The following WWOX variants were observed in gnomAD, a reference collection of about 807,000 sequenced individuals.
WWOX encodes the protein WW domain containing oxidoreductase.
A neutral mutation model predicts 46.2 loss-of-function variants in WWOX; 69 were observed. The observed-to-expected ratio is 1.49, with a 90% CI of 1.23 to 1.82. The LOEUF (loss-of-function observed/expected upper bound fraction) is 1.82. Among genes scored for constraint, WWOX ranks in the 40% most tolerant of loss-of-function variants. The probability of loss-of-function intolerance (pLI) is 0.00; values close to 1 mark genes in which losing one functional copy is unlikely to be tolerated. For missense variants in WWOX, 919 were observed against 542.6 expected, an observed-to-expected ratio of 1.69 and a Z score of -6.89; for synonymous variants, 359 against 202.6, an observed-to-expected ratio of 1.77 and a Z score of -6.56.
At chr16:78,610,838 T>A (rs925247406) in intron 8 of WWOX, among the ~76,000 whole-genome samples, 1 of 152,168 alleles carries the variant, frequency 6.6e-6, no homozygotes, top group Non-Finnish European at 1.5e-5. Flanking sequence ...ATTAATAGTT[T>A]GTATTTACAA....
chr16:78,579,622 T>G (rs1207773113), intron 8 of WWOX, among the ~76,000 whole-genome samples: 1 of 152,084 alleles, frequency 6.6e-6, no homozygotes, highest in Non-Finnish European at 1.5e-5. Flanking sequence ...ACTTCAAGGT[T>G]TTGGAGTGGG....
chr16:78,338,142 A>G (rs1444047127), intron 5 of WWOX, among the ~76,000 whole-genome samples: 2 of 120,554 alleles, frequency 1.7e-5, no homozygotes, highest in East Asian at 3.9e-4. Flanking sequence ...TGTACCCAGT[A>G]CTATTAATAT....
intron 8 of WWOX, among the ~76,000 whole-genome samples, chr16:79,150,737 A>G (rs1305648121): frequency 6.6e-6 from 1 of 152,138 alleles, no homozygotes; most frequent in Admixed American, 6.5e-5. Flanking sequence ...GAACTCCTGG[A>G]CTCAAGTGAC....
At chr16:78,809,896 C>T (rs141396797) in intron 8 of WWOX, among the ~76,000 whole-genome samples, 287 of 152,272 alleles carry the variant, frequency 1.9e-3, no homozygotes, top group African/African-American at 6.7e-3. Flanking sequence ...TCCCTCCTCC[C>T]GTGGGTTAGC....
At chr16:78,522,438 C>G (rs896869273) in intron 8 of WWOX, among the ~76,000 whole-genome samples, 5 of 152,182 alleles carry the variant, frequency 3.3e-5, no homozygotes, top group Non-Finnish European at 5.9e-5. Flanking sequence ...ACAGTAGTCA[C>G]TCATCCTGCT....
chr16:78,818,395 C>T (rs892613260), intron 8 of WWOX, among the ~76,000 whole-genome samples: 3 of 152,222 alleles, frequency 2.0e-5, no homozygotes, highest in African/African-American at 7.2e-5. Flanking sequence ...CCTTCATTGA[C>T]TCAGGCCTTG....
chr16:78,497,539 A>AGAG (rs2084946755), intron 8 of WWOX, among the ~76,000 whole-genome samples: 1 of 151,858 alleles, frequency 6.6e-6, no homozygotes, highest in Non-Finnish European at 1.5e-5. Flanking sequence ...ATCCTACAGA[A>AGAG]AGAGAATATT....
intron 8 of WWOX, among the ~76,000 whole-genome samples, chr16:78,522,259 G>A (rs1404629455): frequency 1.3e-5 from 2 of 151,914 alleles, no homozygotes; most frequent in Non-Finnish European, 2.9e-5. Flanking sequence ...GAAAAATAAG[G>A]GTTAGGATTA....
intron 8 of WWOX, among the ~76,000 whole-genome samples, chr16:78,609,198 T>G (rs1163188230): frequency 6.6e-6 from 1 of 152,232 alleles, no homozygotes; most frequent in Non-Finnish European, 1.5e-5. Context: ...AACTAGGAAG[T>G]GTTGATAGAT....
intron 8 of WWOX, among the ~76,000 whole-genome samples, chr16:78,675,641 A>G (rs2047578438): frequency 6.6e-6 from 1 of 152,160 alleles, no homozygotes; most frequent in Admixed American, 6.5e-5. Flanking sequence ...GCACTAGCCC[A>G]TCTGTATGTC....
At chr16:78,376,478 C>G (rs1279372041) in intron 5 of WWOX, among the ~76,000 whole-genome samples, 1 of 152,140 alleles carries the variant, frequency 6.6e-6, no homozygotes, top group Admixed American at 6.5e-5. Flanking sequence ...TTATCAACTT[C>G]TGTATTATTT....
intron 8 of WWOX, among the ~76,000 whole-genome samples, chr16:78,695,155 T>G (rs541364229): frequency 1.1e-4 from 17 of 152,180 alleles, no homozygotes; most frequent in Non-Finnish European, 2.4e-4. Context: ...AAATGAAATA[T>G]GAACATTTGT....
intron 5 of WWOX, among the ~76,000 whole-genome samples, chr16:78,171,466 A>G (rs1458952138): frequency 6.6e-6 from 1 of 151,892 alleles, no homozygotes; most frequent in Non-Finnish European, 1.5e-5. Context: ...TTTATGATAT[A>G]TGTGTTGGGG....
At chr16:78,118,045 C>CTT (rs34141728) in intron 4 of WWOX, among the ~76,000 whole-genome samples, 25 of 138,460 alleles carry the variant, frequency 1.8e-4, no homozygotes, top group African/African-American at 2.4e-4. Flanking sequence ...TTCTTTCTTT[C>CTT]TTTTTTTTTT....
chr16:78,543,298 CACGTGGCCCTG>C (rs76988086), intron 8 of WWOX, among the ~76,000 whole-genome samples: 13,790 of 152,240 alleles, frequency 0.091, 845 homozygotes, highest in South Asian at 0.23. Context: ...CTAGGCCAGT[CACGTGGCCCTG>C]AAGAGGGTGG....
intron 8 of WWOX, among the ~76,000 whole-genome samples, chr16:78,616,562 G>A (rs1044225694): frequency 6.6e-6 from 1 of 151,070 alleles, no homozygotes; most frequent in Non-Finnish European, 1.5e-5. Context: ...TTGAGGTCAG[G>A]AGGTCGAGAC....
intron 8 of WWOX, among the ~76,000 whole-genome samples, chr16:78,734,777 AAT>A (rs1567524237): frequency 6.7e-6 from 1 of 149,736 alleles, no homozygotes; most frequent in South Asian, 2.1e-4. Context: ...GAATAGAGCA[AAT>A]AGACTGACCC....
At chr16:78,988,490 G>A (rs1208799955) in intron 8 of WWOX, among the ~76,000 whole-genome samples, 3 of 152,100 alleles carry the variant, frequency 2.0e-5, no homozygotes, top group Non-Finnish European at 4.4e-5. Context: ...TCCTTGGAAG[G>A]AGCTGTAACC....
intron 6 of WWOX, among the ~76,000 whole-genome samples, chr16:78,420,481 C>G (rs192054216): frequency 7.9e-4 from 120 of 152,128 alleles, no homozygotes; most frequent in African/African-American, 2.6e-3. Flanking sequence ...TGGATGAACC[C>G]TGCAAACATC....
Sources: allele counts gnomAD v4.1 joint callset (sites outside exome capture counted in the v4.1 genomes callset), GRCh38; gene constraint gnomAD v4.1.1; transcripts MANE v1.5; gene names NCBI Gene and HGNC (gene_info 2026-07-23, HGNC 2026-07-21).